Variants in DOCK1 observed in about 807,000 individuals in gnomAD.
The protein encoded by DOCK1 is dedicator of cytokinesis protein 1.
DOCK1 carries 138 observed loss-of-function variants against 262.7 expected under a neutral mutation model. That is an observed-to-expected ratio of 0.53 (90% CI 0.46 to 0.61). The LOEUF (loss-of-function observed/expected upper bound fraction) is 0.61. Ranked by LOEUF, DOCK1 falls within the 20% of genes least tolerant of loss-of-function variation. The pLI is 0.00. For missense variants in DOCK1, 1,908 were observed against 2,370.7 expected, an observed-to-expected ratio of 0.80 and a Z score of 4.05; for synonymous variants, 866 against 867.4, an observed-to-expected ratio of 1.00 and a Z score of 0.03.
intron 33 of DOCK1, among the ~76,000 whole-genome samples, chr10:127,373,019 A>G (rs1377434835): frequency 6.6e-6 from 1 of 152,228 alleles, no homozygotes; most frequent in African/African-American, 2.4e-5. Flanking sequence ...GGATGGGGAA[A>G]ACATGTCCAT....
In DOCK1 at chr10:126,990,604, G is replaced by A; in HGVS notation, c.473+1G>A. ...CAGCCAAAATTGATTATGGAAACAG[G>A]TTTGTTTATTTGAAAGATGATTTTA... On this transcript the variant is annotated splice_donor_variant, in intron 6 of 51. Coordinates refer to ENST00000623213, the MANE Select transcript of DOCK1 (RefSeq NM_001290223.2). LOFTEE classifies it high-confidence loss of function. The A allele has an allele frequency of 1.2e-6, 2 of 1,612,952 alleles. No individual in the cohort carries two copies. Among genetic ancestry groups the A allele is most frequent in the Non-Finnish European group, 1.7e-6 (2 of 1,179,388 alleles).
chr10:127,378,922 CG>C (rs1203206148), intron 35 of DOCK1, among the ~76,000 whole-genome samples: 1 of 152,202 alleles, frequency 6.6e-6, no homozygotes, highest in Non-Finnish European at 1.5e-5. Context: ...AATGTGCCCC[CG>C]CTTATTTTCT....
chr10:127,069,800 A>C (rs761126113), intron 23 of DOCK1, among the ~76,000 whole-genome samples: 10 of 152,204 alleles, frequency 6.6e-5, no homozygotes, highest in Admixed American at 3.9e-4. Context: ...TTCTCCTGCA[A>C]CAAAGAGAAG....
intron 1 of DOCK1, among the ~76,000 whole-genome samples, chr10:126,912,974 T>C (rs902701506): frequency 1.3e-5 from 2 of 149,950 alleles, no homozygotes; most frequent in Non-Finnish European, 3.0e-5. Context: ...CCTCTGTCTT[T>C]AGTGGCCTTT....
intron 27 of DOCK1, among the ~76,000 whole-genome samples, chr10:127,210,938 G>T (rs1360354362): frequency 6.6e-6 from 1 of 152,170 alleles, no homozygotes; most frequent in East Asian, 1.9e-4. Context: ...CTTGGTATAG[G>T]ACCCATGATA....
intron 33 of DOCK1, among the ~76,000 whole-genome samples, chr10:127,364,938 T>G (rs2064819239): frequency 6.6e-6 from 1 of 152,222 alleles, no homozygotes; most frequent in Non-Finnish European, 1.5e-5. Flanking sequence ...AATTCATTTT[T>G]GAAAGAACAG....
At chr10:127,413,866 G>GT (rs1481110545) in intron 43 of DOCK1, among the ~76,000 whole-genome samples, 2 of 152,106 alleles carry the variant, frequency 1.3e-5, no homozygotes, top group African/African-American at 4.8e-5. Context: ...CCTATGGAAC[G>GT]TAAGAAGTTT....
intron 2 of DOCK1, among the ~76,000 whole-genome samples, chr10:126,971,176 G>A (rs566629942): frequency 5.3e-5 from 8 of 151,394 alleles, no homozygotes; most frequent in South Asian, 2.1e-4. Context: ...TTAGCCTCCC[G>A]AGTAGCTGGG....
intron 33 of DOCK1, among the ~76,000 whole-genome samples, chr10:127,371,906 T>G (rs2134020353): frequency 6.6e-6 from 1 of 152,332 alleles, no homozygotes; most frequent in African/African-American, 2.4e-5. Flanking sequence ...AAAAGGTTGT[T>G]ATTTTACAGT....
At chr10:126,954,032 T>G (rs1202330146) in intron 1 of DOCK1, among the ~76,000 whole-genome samples, 1 of 152,162 alleles carries the variant, frequency 6.6e-6, no homozygotes, top group Non-Finnish European at 1.5e-5. Context: ...CTGCCTGCCC[T>G]TTATCCTTGT....
intron 21 of DOCK1, 112 bp from the exon 22 acceptor site, chr10:127,052,569 C>G: frequency 1.4e-6 from 2 of 1,396,890 alleles, no homozygotes; most frequent in South Asian, 1.3e-5. Flanking sequence ...TATTCATATA[C>G]TGATAGATGG....
At chr10:127,215,360 C>T (rs2058159706) in intron 27 of DOCK1, among the ~76,000 whole-genome samples, 2 of 152,216 alleles carry the variant, frequency 1.3e-5, no homozygotes, top group Non-Finnish European at 2.9e-5. Context: ...AGCCACGCAG[C>T]TCCATGTGAT....
At position 127,334,154 on chromosome 10, in the gene DOCK1, G is replaced by A. The variant is rs573921186; in HGVS notation, c.3045-4852G>A. On this transcript the variant is annotated intron_variant, in intron 29 of 51. Coordinates refer to ENST00000623213, the MANE Select transcript of DOCK1 (RefSeq NM_001290223.2). Reference sequence around the variant, plus strand: ...TTAAATCAAATGAATTAACATGTCTGTTCCCTCACATACTTCTCATTTCTT... The same window carrying A: ...TTAAATCAAATGAATTAACATGTCTATTCCCTCACATACTTCTCATTTCTT... Among the ~76,000 whole-genome samples the A allele has an allele frequency of 3.9e-5, 6 of 152,208 alleles. No homozygotes were observed. In the South Asian group the frequency reaches 1.0e-3, roughly 26 times the overall value.
At chr10:127,407,673 C>A (rs942522296) in intron 40 of DOCK1, among the ~76,000 whole-genome samples, 6 of 152,152 alleles carry the variant, frequency 3.9e-5, no homozygotes, top group Admixed American at 1.3e-4. Context: ...CTGTCTCTGT[C>A]TCTGTTCGTC....
At chr10:127,301,638 T>C (rs2061681699) in intron 29 of DOCK1, among the ~76,000 whole-genome samples, 1 of 152,062 alleles carries the variant, frequency 6.6e-6, no homozygotes, top group Admixed American at 6.5e-5. Flanking sequence ...CATTTAAAGA[T>C]CCCTGGACAT....
chr10:126,917,725 G>C (rs1191394619), intron 1 of DOCK1, among the ~76,000 whole-genome samples: 1 of 152,184 alleles, frequency 6.6e-6, no homozygotes, highest in East Asian at 1.9e-4. Flanking sequence ...AGTGAGAATG[G>C]TCTTGAGTCC....
rs565834905 is a variant in DOCK1, at chr10:127,239,248, A to G, written c.2848-8760A>G. On this transcript the variant is annotated intron_variant, in intron 27 of 51. Transcript: ENST00000623213. ...CTTGTCATGTGCAGTGTTTGAGCAT[A>G]CAACCGCATACAACATATGTATGTA... 2.5e-4 allele frequency among the ~76,000 whole-genome samples: 38 copies of G among 152,344 alleles called. 1 individual carries two copies. In the South Asian group the frequency reaches 7.5e-3, roughly 30 times the overall value.
rs764535670 is a variant in DOCK1 at position 127,362,110 on chromosome 10, A to G, written c.3330A>G (p.Leu1110=). 6.2e-7 allele frequency: 1 copy of G among 1,613,850 alleles called. No individual in the cohort carries two copies. The highest frequency in any genetic ancestry group is 1.1e-5 in the South Asian group (1 of 90,982). Residue 1110 remains leucine, a synonymous_variant, in exon 33 of 52, where the codon TTA becomes TTG. Transcript: ENST00000623213. ...TTCCAGAAATGGTGGGCCCAATATT[A>G]GAAATGACATTAATTCCCGAGACGG... ...KFIPEMVGPI[L]EMTLIPETEL... is the part of the protein sequence containing the mutation.
intron 44 of DOCK1, among the ~76,000 whole-genome samples, chr10:127,417,645 G>A (rs560573461): frequency 9.2e-5 from 14 of 152,104 alleles, no homozygotes; most frequent in Admixed American, 1.3e-4. Flanking sequence ...GCTCAATCTC[G>A]GCTCACTGCA....
Sources: allele counts gnomAD v4.1 joint callset (sites outside exome capture counted in the v4.1 genomes callset), GRCh38; gene constraint gnomAD v4.1.1; transcripts MANE v1.5; gene names NCBI Gene and HGNC (gene_info 2026-07-23, HGNC 2026-07-21).